The following CALD1 variants were observed in gnomAD, a reference collection of about 807,000 sequenced individuals.
CALD1 encodes the protein caldesmon 1.
In CALD1, 33 loss-of-function variants were observed where a neutral mutation model predicts 99.9. The ratio of observed to expected loss-of-function variants is 0.33; its 90% CI spans 0.25 to 0.44. The LOEUF is 0.44. Among genes scored for constraint, CALD1 ranks in the 20% least tolerant of loss-of-function variants. CALD1 has a pLI of 1.00. For missense variants in CALD1, 861 were observed against 962.1 expected (o/e 0.89, Z 1.39); for synonymous variants, 310 against 325.0 (o/e 0.95, Z 0.50).
chr7:134,875,331 T>C (rs1801295152), intron 3 of CALD1, among the ~76,000 whole-genome samples: 1 of 152,200 alleles, frequency 6.6e-6, no homozygotes, highest in Admixed American at 6.5e-5. Context: ...AGTCACCACA[T>C]ACTTTCAAAT....
At chr7:134,907,702 C>G (rs1395111460) in intron 3 of CALD1, among the ~76,000 whole-genome samples, 1 of 152,106 alleles carries the variant, frequency 6.6e-6, no homozygotes, top group Non-Finnish European at 1.5e-5. Flanking sequence ...TAATTGTGGC[C>G]TACCCCAAAT....
At chr7:134,750,387 C>A (rs1037652067) in intron 1 of CALD1, among the ~76,000 whole-genome samples, 38 of 152,152 alleles carry the variant, frequency 2.5e-4, no homozygotes, top group Non-Finnish European at 3.8e-4. Flanking sequence ...GAGGTCACAA[C>A]TTTATAAGTG....
At chr7:134,721,492 T>TAGAA in the CALD1 span, among the ~76,000 whole-genome samples, 1 of 152,090 alleles carries the variant, frequency 6.6e-6, no homozygotes, top group Non-Finnish European at 1.5e-5. Context: ...GAACAGTTTC[T>TAGAA]ACTGTTCTAC....
At chr7:134,906,706 C>T (rs955808864) in intron 3 of CALD1, among the ~76,000 whole-genome samples, 11 of 152,196 alleles carry the variant, frequency 7.2e-5, no homozygotes, top group African/African-American at 2.7e-4. Context: ...CCTAGAACTT[C>T]AACAAGCAGT....
At chr7:134,945,988 C>T (rs1240552059) in intron 7 of CALD1, among the ~76,000 whole-genome samples, 2 of 152,132 alleles carry the variant, frequency 1.3e-5, no homozygotes. Flanking sequence ...CACTTTTTCC[C>T]ATTCCCAGCG....
intron 3 of CALD1, among the ~76,000 whole-genome samples, chr7:134,870,185 C>G (rs1469474475): frequency 2.0e-5 from 3 of 152,116 alleles, no homozygotes; most frequent in African/African-American, 7.2e-5. Context: ...TGCTAGGAAA[C>G]CAAAGTGTAA....
chr7:134,816,310 C>T (rs1405117315), intron 1 of CALD1, among the ~76,000 whole-genome samples: 1 of 152,148 alleles, frequency 6.6e-6, no homozygotes, highest in Non-Finnish European at 1.5e-5. Flanking sequence ...ATGAGGAACA[C>T]AGGGGCCATG....
At chr7:134,871,198 T>C (rs1238781899) in intron 3 of CALD1, among the ~76,000 whole-genome samples, 2 of 152,248 alleles carry the variant, frequency 1.3e-5, no homozygotes, top group African/African-American at 4.8e-5. Context: ...ATATGTTACT[T>C]TATTTAAAGC....
intron 1 of CALD1, among the ~76,000 whole-genome samples, chr7:134,821,280 T>G (rs998625398): frequency 1.4e-5 from 1 of 69,628 alleles, no homozygotes; most frequent in Non-Finnish European, 3.9e-5. Context: ...AGTCTTTTAG[T>G]TTTTTTCATA....
rs572428868 is a variant in CALD1 at position 134,909,425 on chromosome 7, G to A, written c.72-19329G>A. On this transcript the variant is annotated intron_variant, in intron 3 of 14. Transcript: ENST00000361675. ...AGGCTGGGCGTGGTGGCTCACGCCT[G>A]TAATCCTAGCATTTTGGGAGGCCAA... Among the ~76,000 whole-genome samples, 65 of 152,368 alleles carry A rather than the reference G, an allele frequency of 4.3e-4. No individual in the cohort carries two copies. In the Middle Eastern group the frequency reaches 0.017, roughly 40 times the overall value.
intron 9 of CALD1, among the ~76,000 whole-genome samples, chr7:134,956,764 G>A (rs1371448783): frequency 6.6e-6 from 1 of 152,182 alleles, no homozygotes; most frequent in East Asian, 1.9e-4. Flanking sequence ...GAAGAAAATG[G>A]AACTTTTCAG....
chr7:134,840,519 TG>T (rs1262212445), intron 1 of CALD1, among the ~76,000 whole-genome samples: 1 of 152,226 alleles, frequency 6.6e-6, no homozygotes, highest in African/African-American at 2.4e-5. Context: ...TTATTCTCAA[TG>T]AAAGCACTGG....
At chr7:134,931,273 T>C (rs1771154004) in intron 4 of CALD1, among the ~76,000 whole-genome samples, 2 of 152,178 alleles carry the variant, frequency 1.3e-5, no homozygotes, top group African/African-American at 4.8e-5. Context: ...ATACAGTTTG[T>C]TGGTTTCTTA....
At chr7:134,825,001 A>T (rs1412373999) in intron 1 of CALD1, among the ~76,000 whole-genome samples, 1 of 152,136 alleles carries the variant, frequency 6.6e-6, no homozygotes, top group East Asian at 1.9e-4. Flanking sequence ...GCTTTTAAAT[A>T]TCTATTATGC....
intron 3 of CALD1, among the ~76,000 whole-genome samples, chr7:134,910,615 A>C (rs940076118): frequency 2.0e-5 from 3 of 152,100 alleles, no homozygotes; most frequent in African/African-American, 7.2e-5. Flanking sequence ...GGCCAATCAC[A>C]TGACAATAAA....
chr7:134,935,367 T>C (rs541520356), intron 5 of CALD1, among the ~76,000 whole-genome samples: 8 of 152,268 alleles, frequency 5.3e-5, no homozygotes, highest in African/African-American at 1.9e-4. Context: ...CCTGCTTCTG[T>C]ACAAGAGGCT....
chr7:134,791,733 C>A (rs1334913960), intron 1 of CALD1, among the ~76,000 whole-genome samples: 1 of 152,110 alleles, frequency 6.6e-6, no homozygotes, highest in Non-Finnish European at 1.5e-5. Flanking sequence ...CATCTTGGAC[C>A]AGATTGCATC....
chr7:134,773,261 T>C (rs1395734706), intron 1 of CALD1, among the ~76,000 whole-genome samples: 1 of 147,048 alleles, frequency 6.8e-6, no homozygotes, highest in African/African-American at 2.6e-5. Flanking sequence ...CATTTTTCTG[T>C]AAGATTTTTC....
At chr7:134,841,229 A>G (rs1170206384) in intron 1 of CALD1, among the ~76,000 whole-genome samples, 1 of 152,188 alleles carries the variant, frequency 6.6e-6, no homozygotes, top group East Asian at 1.9e-4. Flanking sequence ...ACTTGTTAGT[A>G]TTTATTTAAA....
Sources: allele counts gnomAD v4.1 joint callset (sites outside exome capture counted in the v4.1 genomes callset), GRCh38; gene constraint gnomAD v4.1.1; transcripts MANE v1.5; gene names NCBI Gene and HGNC (gene_info 2026-07-23, HGNC 2026-07-21).